Variants in SPTB observed in about 807,000 individuals in gnomAD.
The protein encoded by SPTB is spectrin beta, erythrocytic.
SPTB carries 45 observed loss-of-function variants against 256.2 expected under a neutral mutation model. The observed-to-expected ratio is 0.18, with a 90% CI of 0.14 to 0.23. SPTB has a LOEUF of 0.23. SPTB is among the 10% of genes least tolerant of loss of function. SPTB has a pLI of 1.00. For missense variants in SPTB, 2,715 were observed against 3,040.4 expected, an observed-to-expected ratio of 0.89 and a Z score of 2.52; for synonymous variants, 1,231 against 1,243.1, an observed-to-expected ratio of 0.99 and a Z score of 0.21.
intron 1 of SPTB, among the ~76,000 whole-genome samples, chr14:64,848,326 C>T (rs995746185): frequency 1.3e-5 from 2 of 152,176 alleles, no homozygotes; most frequent in Non-Finnish European, 2.9e-5. Context: ...TCTTTGTTCT[C>T]GTTAACACCC....
intron 1 of SPTB, among the ~76,000 whole-genome samples, chr14:64,851,898 A>T (rs959646211): frequency 6.6e-5 from 10 of 152,074 alleles, no homozygotes; most frequent in African/African-American, 2.4e-4. Flanking sequence ...CTAAAGGAAA[A>T]ATAGCTAATG....
rs746676134 is a variant in SPTB at position 64,823,114 on chromosome 14, C to T, written c.-20G>A. 1.9e-6 allele frequency: 3 copies of T among 1,613,326 alleles called. No homozygotes were observed. The East Asian group carries it at 6.7e-5, about 36-fold the overall frequency. On this transcript the variant is annotated 5_prime_UTR_variant, in exon 2 of 36. Transcript: ENST00000644917. This position sits in a 1 kb window ranked among gnomAD's most constrained non-coding sequence, Gnocchi z 6.5. ...TGTCATGTCAGCAGGCTCTTAGCAGCTCCGCCTGCCTCAGTCTTCATGGAA... is the reference window on the plus strand; with the variant it reads ...TGTCATGTCAGCAGGCTCTTAGCAGTTCCGCCTGCCTCAGTCTTCATGGAA...
chr14:64,775,023 A>T lies in SPTB; in HGVS notation c.4842+102T>A. ...TTCCTTGTGCCCCTCCCCTGGCCTC[A>T]CTCCTCACACAGTTGGACTCACAAG... On this transcript the variant is annotated intron_variant, in intron 23 of 35. Transcript: ENST00000644917. This position sits in a 1 kb window ranked among gnomAD's most constrained non-coding sequence, Gnocchi z 5.0. 6.5e-7 allele frequency: 1 copy of T among 1,548,388 alleles called. No individual in the cohort carries two copies. The highest frequency in any genetic ancestry group is 8.9e-7 in the Non-Finnish European group (1 of 1,126,558).
rs903631784 is a variant in SPTB at position 64,794,506 on chromosome 14, C to T, written c.1756G>A (p.Ala586Thr). The T allele has an allele frequency of 6.2e-7, 1 of 1,614,186 alleles. No homozygotes were observed. Among genetic ancestry groups the T allele is most frequent in the Non-Finnish European group, 8.5e-7 (1 of 1,180,046 alleles). ...DIAIQGDKVK[A>T]ITAATLKFTE... The stretch of plus-strand genomic sequence containing the variant: ...AACTTCAGGGTGGCTGCGGTGATGG[C>T]CTTCACTTTGTCCCCTTGGATGGCG... Residue 586 changes from alanine (A) to threonine (T), a missense_variant, in exon 13 of 36, where the codon GCC becomes ACC. Physicochemically the swap from Ala to Thr is moderately conservative, Grantham distance 58 (BLOSUM62 0). Coordinates refer to ENST00000644917, the MANE Select transcript of SPTB (RefSeq NM_001355436.2).
chr14:64,772,572 G>C lies in SPTB; in HGVS notation c.5553+8C>G. Reference sequence around the variant, plus strand: ...GGTAGCAGGTGGGCGGCAGGGGGCTGAAGGTACCTGGACACCCAGCAGGTG... The same window carrying C: ...GGTAGCAGGTGGGCGGCAGGGGGCTCAAGGTACCTGGACACCCAGCAGGTG... On this transcript the variant is annotated splice_region_variant and intron_variant, in intron 26 of 35. Transcript: ENST00000644917. This position sits in a 1 kb window ranked among gnomAD's most constrained non-coding sequence, Gnocchi z 5.4. The C allele has an allele frequency of 6.2e-7, 1 of 1,604,514 alleles. No homozygotes were observed. Among genetic ancestry groups the C allele is most frequent in the Non-Finnish European group, 8.5e-7 (1 of 1,179,844 alleles).
At position 64,787,127 on chromosome 14, in the gene SPTB, C is replaced by G; in HGVS notation, c.2838G>C (p.Arg946=). The G allele has an allele frequency of 1.9e-6, 3 of 1,607,940 alleles. No homozygotes were observed. In the South Asian group the frequency reaches 3.3e-5, roughly 18 times the overall value. ...WQAFQTLVSE[R]REAVDSALRV... The stretch of plus-strand genomic sequence containing the variant: ...GGAGGGCTGAGTCCACAGCCTCCCG[C>G]CGCTCCGACACCAGGGTCTGAAATG... Residue 946 remains arginine, a synonymous_variant, in exon 16 of 36, where the codon CGG becomes CGC. Transcript: ENST00000644917.
At chr14:64,842,918 T>A (rs143005822) in intron 1 of SPTB, among the ~76,000 whole-genome samples, 1 of 151,918 alleles carries the variant, frequency 6.6e-6, no homozygotes, top group African/African-American at 2.4e-5. Flanking sequence ...AAATAAAAAA[T>A]TAGCCAGGCA....
chr14:64,771,136 T>G lies in SPTB; in HGVS notation c.5554-7A>C. The G allele has an allele frequency of 6.2e-7, 1 of 1,613,224 alleles. No individual in the cohort carries two copies. Among genetic ancestry groups the G allele is most frequent in the Non-Finnish European group, 8.5e-7 (1 of 1,180,012 alleles). On this transcript the variant is annotated splice_region_variant and splice_polypyrimidine_tract_variant and intron_variant, in intron 26 of 35. Transcript: ENST00000644917. ...CGTCCTGGAACTGCTGCACCTGTGGTCAGGCAAAATCAGACATTGTTCCCT... is the reference window on the plus strand; with the variant it reads ...CGTCCTGGAACTGCTGCACCTGTGGGCAGGCAAAATCAGACATTGTTCCCT...
At chr14:64,846,705 C>T (rs2083698857) in intron 1 of SPTB, among the ~76,000 whole-genome samples, 1 of 152,222 alleles carries the variant, frequency 6.6e-6, no homozygotes, top group South Asian at 2.1e-4. Context: ...GATGATATAA[C>T]TGAGTATATT....
Position 64,764,853 on chromosome 14 carries a change from T to C in SPTB, c.6345+1873A>G, listed in dbSNP as rs1464781308. Among the ~76,000 whole-genome samples the C allele has an allele frequency of 6.6e-6, 1 of 151,966 alleles. No individual in the cohort carries two copies. Among genetic ancestry groups the C allele is most frequent in the Admixed American group, 6.5e-5 (1 of 15,278 alleles). On this transcript the variant is annotated intron_variant, in intron 32 of 35. Coordinates refer to ENST00000644917, the MANE Select transcript of SPTB (RefSeq NM_001355436.2). The surrounding 1 kb of genome is among the most constrained non-coding windows in gnomAD (Gnocchi z 4.2). ...CTGGGAAAAAGGGGCTGGGACACAG[T>C]CCACCACAGACAGGGAGGCGACCCC...
At chr14:64,855,136 G>A (rs1349392205) in intron 1 of SPTB, among the ~76,000 whole-genome samples, 2 of 152,168 alleles carry the variant, frequency 1.3e-5, no homozygotes, top group Admixed American at 6.5e-5. Context: ...CCAGTTACCA[G>A]GCAAAGGGCC....
intron 29 of SPTB, 102 bp downstream of exon 29, chr14:64,768,932 T>TCTA: frequency 1.0e-6 from 1 of 982,086 alleles, no homozygotes; most frequent in Non-Finnish European, 1.6e-6. Context: ...GGGGCTCCTC[T>TCTA]CTAGGCAGTA....
At chr14:64,875,428 C>T (rs538341060) in intron 1 of SPTB, among the ~76,000 whole-genome samples, 11 of 152,304 alleles carry the variant, frequency 7.2e-5, no homozygotes, top group African/African-American at 2.6e-4. Context: ...TAAATATTTA[C>T]CAAGGGGAGT....
At chr14:64,875,495 G>T (rs1392873785) in intron 1 of SPTB, among the ~76,000 whole-genome samples, 1 of 152,148 alleles carries the variant, frequency 6.6e-6, no homozygotes, top group South Asian at 2.1e-4. Flanking sequence ...TGCCTCCTAC[G>T]CTCTTCCTCA....
chr14:64,756,000 C>T (rs2082011934), intron 32 of SPTB: 1 of 152,340 alleles, frequency 6.6e-6, no homozygotes, highest in African/African-American at 2.4e-5. Context: ...GTCCCACAAA[C>T]CTGGGGCGGG....
In SPTB at chr14:64,810,949, T is replaced by A. The variant is rs150602383; in HGVS notation, c.149-5859A>T. The stretch of plus-strand genomic sequence containing the variant: ...TGGCAATATAACAAGGTTGCATCTC[T>A]ACAAAAAAATTTAAAAATTAGAGGG... On this transcript the variant is annotated intron_variant, in intron 2 of 35. Transcript: ENST00000644917. Among the ~76,000 whole-genome samples the A allele has an allele frequency of 3.9e-3, 593 of 152,190 alleles. 7 individuals carry two copies. Among genetic ancestry groups the A allele is most frequent in the South Asian group, 0.033 (161 of 4,822 alleles).
Position 64,795,472 on chromosome 14 carries a change from C to T in SPTB, c.1509G>A (p.Lys503=), listed in dbSNP as rs751281187. Residue 503 remains lysine, a synonymous_variant, in exon 12 of 36, where the codon AAG becomes AAA. Transcript: ENST00000644917. The surrounding 1 kb of genome is among the most constrained non-coding windows in gnomAD (Gnocchi z 6.5). ...YHDQKRITAR[K]DNILRLWSYL... ...AGCTCCATAGGCGCAGTATATTGTC[C>T]TTGCGGGCCGTGATGCGCTTCTGGT... 1.2e-6 allele frequency: 2 copies of T among 1,614,180 alleles called. No individual in the cohort carries two copies. Among genetic ancestry groups the T allele is most frequent in the Non-Finnish European group, 1.7e-6 (2 of 1,180,026 alleles).
chr14:64,833,079 A>G (rs551680966), intron 1 of SPTB, among the ~76,000 whole-genome samples: 115 of 152,196 alleles, frequency 7.6e-4, no homozygotes, highest in African/African-American at 1.3e-3. Flanking sequence ...TTTCCATCCA[A>G]TCCTTCCCCC....
chr14:64,765,912 TGTG>T (rs1003970758), intron 32 of SPTB, among the ~76,000 whole-genome samples: 2 of 140,490 alleles, frequency 1.4e-5, no homozygotes, highest in Admixed American at 7.1e-5. Flanking sequence ...TGTGTGGGGG[TGTG>T]GTGTGTATGA....
Sources: allele counts gnomAD v4.1 joint callset (sites outside exome capture counted in the v4.1 genomes callset), GRCh38; gene constraint gnomAD v4.1.1; non-coding constraint Gnocchi (gnomAD v3.1); transcripts MANE v1.5; gene names NCBI Gene and HGNC (gene_info 2026-07-23, HGNC 2026-07-21).